The following MAGI1 variants were observed in gnomAD, a reference collection of about 807,000 sequenced individuals.
MAGI1 encodes membrane associated guanylate kinase, WW and PDZ domain containing 1.
A neutral mutation model predicts 139.9 loss-of-function variants in MAGI1; 58 were observed. That is an observed-to-expected ratio of 0.41 (90% CI 0.34 to 0.52). The LOEUF (loss-of-function observed/expected upper bound fraction) is 0.52, where lower values mean the gene tolerates loss of function less well. Among genes scored for constraint, MAGI1 ranks in the 20% least tolerant of loss-of-function variants. The probability of loss-of-function intolerance (pLI) is 0.12; values close to 1 mark genes in which losing one functional copy is unlikely to be tolerated. For missense variants in MAGI1, 1,874 were observed against 1,901.6 expected (o/e 0.99, Z 0.27); for synonymous variants, 812 against 737.9 (o/e 1.10, Z -1.63).
intron 2 of MAGI1, among the ~76,000 whole-genome samples, chr3:65,615,507 G>A (rs902314737): frequency 1.3e-5 from 2 of 152,132 alleles, no homozygotes; most frequent in African/African-American, 4.8e-5. Context: ...GCTCCTGAAG[G>A]GGCACTGTAG....
At chr3:65,679,507 G>C (rs1286831370) in intron 1 of MAGI1, among the ~76,000 whole-genome samples, 2 of 152,022 alleles carry the variant, frequency 1.3e-5, no homozygotes, top group South Asian at 2.1e-4. Context: ...AAGTTGCAGT[G>C]AGCCAAGATC....
rs1944088240 is a variant in MAGI1 at position 65,393,325 on chromosome 3, CT to C, written c.2200-1968del. Among the ~76,000 whole-genome samples the C allele has an allele frequency of 2.6e-5, 4 of 152,162 alleles. No homozygotes were observed. In the South Asian group the frequency reaches 8.3e-4, roughly 32 times the overall value. The stretch of plus-strand genomic sequence containing the variant: ...TAAACAACCATGTACAGTATCAGCC[CT>C]TTTTTTGTGTGAACCTACATAACAA... On this transcript the variant is annotated intron_variant, in intron 13 of 22. Coordinates refer to ENST00000402939, the MANE Select transcript of MAGI1 (RefSeq NM_001033057.2).
chr3:65,979,088 T>TCCC (rs200894076), intron 1 of MAGI1, among the ~76,000 whole-genome samples: 1,371 of 52,738 alleles, frequency 0.026, 44 homozygotes, highest in Middle Eastern at 0.053. Flanking sequence ...TTTCTTTTCT[T>TCCC]CCCCCCCCCC....
In MAGI1 at chr3:65,750,355, G is replaced by A. The variant is rs186670404; in HGVS notation, c.314-128267C>T. On this transcript the variant is annotated intron_variant, in intron 1 of 22. Coordinates refer to ENST00000402939, the MANE Select transcript of MAGI1 (RefSeq NM_001033057.2). ...TTTATACGTACAGTGGTGAGAAAGGGATCTTTAATGATGCTTCTCAAGTAG... is the reference window on the plus strand; with the variant it reads ...TTTATACGTACAGTGGTGAGAAAGGAATCTTTAATGATGCTTCTCAAGTAG... 3.3e-5 allele frequency among the ~76,000 whole-genome samples: 5 copies of A among 152,176 alleles called. No individual in the cohort carries two copies. In the East Asian group the frequency reaches 9.7e-4, roughly 29 times the overall value.
intron 1 of MAGI1, among the ~76,000 whole-genome samples, chr3:65,804,499 T>C (rs1370823295): frequency 6.6e-6 from 1 of 152,016 alleles, no homozygotes; most frequent in Non-Finnish European, 1.5e-5. Context: ...ATTATATTAA[T>C]ACATGTTATA....
intron 2 of MAGI1, among the ~76,000 whole-genome samples, chr3:65,554,471 G>A (rs1379966350): frequency 6.6e-6 from 1 of 152,060 alleles, no homozygotes; most frequent in Admixed American, 6.6e-5. Context: ...CTTACCGATG[G>A]GAAAAAGAGA....
At chr3:65,831,829 A>T (rs1325436618) in intron 1 of MAGI1, among the ~76,000 whole-genome samples, 1 of 152,228 alleles carries the variant, frequency 6.6e-6, no homozygotes, top group Admixed American at 6.5e-5. Context: ...TTTACTACAG[A>T]TTTGAAATTT....
intron 1 of MAGI1, among the ~76,000 whole-genome samples, chr3:65,793,585 T>C (rs1189457352): frequency 1.3e-5 from 2 of 152,204 alleles, no homozygotes; most frequent in African/African-American, 4.8e-5. Flanking sequence ...AGAATTAGAA[T>C]AACCATTGAG....
chr3:65,453,241 C>T lies in MAGI1; in HGVS notation c.1042+17G>A, dbSNP rs1235630795. 1 of 1,613,194 alleles carries T rather than the reference C, an allele frequency of 6.2e-7. No homozygotes were observed. Among genetic ancestry groups the T allele is most frequent in the South Asian group, 1.1e-5 (1 of 91,062 alleles). On this transcript the variant is annotated intron_variant, in intron 6 of 22. Coordinates refer to ENST00000402939, the MANE Select transcript of MAGI1 (RefSeq NM_001033057.2). ...TGCCCCCAATTCACTTAACCCAAGA[C>T]CTGCCTGGCCCCTTACCATCATCTT...
chr3:65,766,850 C>T (rs995664552), intron 1 of MAGI1, among the ~76,000 whole-genome samples: 2 of 152,106 alleles, frequency 1.3e-5, no homozygotes, highest in Non-Finnish European at 2.9e-5. Flanking sequence ...GATCACACCA[C>T]CGCACTCCAG....
intron 1 of MAGI1, among the ~76,000 whole-genome samples, chr3:65,950,783 G>A (rs1028669632): frequency 4.6e-5 from 7 of 152,126 alleles, no homozygotes; most frequent in Non-Finnish European, 8.8e-5. Context: ...CCAGACAGAG[G>A]TATGCACTGT....
At chr3:65,864,505 C>T (rs1296272146) in intron 1 of MAGI1, among the ~76,000 whole-genome samples, 3 of 152,216 alleles carry the variant, frequency 2.0e-5, no homozygotes, top group Non-Finnish European at 1.5e-5. Flanking sequence ...CAAGGCCACC[C>T]GTCAGCGAGA....
At chr3:65,538,441 T>C (rs181778232) in intron 2 of MAGI1, among the ~76,000 whole-genome samples, 2 of 152,282 alleles carry the variant, frequency 1.3e-5, no homozygotes, top group East Asian at 3.9e-4. Flanking sequence ...TTCTCTGTCA[T>C]CCAAAAACAT....
chr3:65,625,190 A>G (rs766105314), intron 1 of MAGI1, among the ~76,000 whole-genome samples: 46 of 152,278 alleles, frequency 3.0e-4, no homozygotes, highest in Non-Finnish European at 6.0e-4. Flanking sequence ...AATATTCTTG[A>G]TTGAGATTAA....
At chr3:65,523,258 A>G (rs1330007720) in intron 2 of MAGI1, among the ~76,000 whole-genome samples, 1 of 152,188 alleles carries the variant, frequency 6.6e-6, no homozygotes, top group Non-Finnish European at 1.5e-5. Flanking sequence ...TCAAGAGTAG[A>G]AAACTCTAAT....
intron 1 of MAGI1, among the ~76,000 whole-genome samples, chr3:65,768,857 A>G (rs1247104151): frequency 6.6e-6 from 1 of 152,220 alleles, no homozygotes; most frequent in Admixed American, 6.5e-5. Context: ...TTAAGAAGAT[A>G]AAAACTGCTC....
At chr3:65,490,952 G>C (rs998803495) in intron 3 of MAGI1, among the ~76,000 whole-genome samples, 2 of 151,766 alleles carry the variant, frequency 1.3e-5, no homozygotes, top group South Asian at 4.2e-4. Flanking sequence ...AAATGGGTTA[G>C]AACTGGAAAA....
intron 1 of MAGI1, among the ~76,000 whole-genome samples, chr3:65,953,397 G>T (rs1272795894): frequency 6.6e-6 from 1 of 152,148 alleles, no homozygotes; most frequent in Non-Finnish European, 1.5e-5. Context: ...TGCTACAGGA[G>T]AATCTAGGCC....
chr3:65,697,110 A>T (rs2089266447), intron 1 of MAGI1, among the ~76,000 whole-genome samples: 1 of 152,144 alleles, frequency 6.6e-6, no homozygotes, highest in African/African-American at 2.4e-5. Flanking sequence ...ACACAAATAA[A>T]CTAGAAAATC....
Sources: allele counts gnomAD v4.1 joint callset (sites outside exome capture counted in the v4.1 genomes callset), GRCh38; gene constraint gnomAD v4.1.1; transcripts MANE v1.5; gene names NCBI Gene and HGNC (gene_info 2026-07-23, HGNC 2026-07-21).